MSRA: variants seen among roughly 807,000 people sequenced by gnomAD.
MSRA encodes mitochondrial peptide methionine sulfoxide reductase.
In MSRA, 54 loss-of-function variants were observed where a neutral mutation model predicts 31.3. The ratio of observed to expected loss-of-function variants is 1.73; its 90% CI spans 1.39 to 2.17. The LOEUF (loss-of-function observed/expected upper bound fraction) is 2.17, where lower values mean the gene tolerates loss of function less well. Among genes scored for constraint, MSRA ranks in the 30% most tolerant of loss-of-function variants. MSRA has a pLI of 0.00. For synonymous variants in MSRA, 169 were observed against 116.5 expected (o/e 1.45, Z -2.90); for missense variants, 507 against 300.9 (o/e 1.69, Z -5.07).
At chr8:10,251,652 C>T (rs1053802039) in intron 3 of MSRA, among the ~76,000 whole-genome samples, 2 of 152,112 alleles carry the variant, frequency 1.3e-5, no homozygotes, top group African/African-American at 2.4e-5. Flanking sequence ...ACCCTTAGGA[C>T]CAAAGATATC....
chr8:10,242,023 G>A (rs951770037), intron 2 of MSRA, among the ~76,000 whole-genome samples: 1 of 152,158 alleles, frequency 6.6e-6, no homozygotes, highest in African/African-American at 2.4e-5. Flanking sequence ...TGTAATCCCA[G>A]CACTTTGGGA....
chr8:10,242,693 A>G (rs755197315), intron 2 of MSRA, among the ~76,000 whole-genome samples: 3 of 152,210 alleles, frequency 2.0e-5, no homozygotes, highest in Non-Finnish European at 2.9e-5. Context: ...TAATTTTGCT[A>G]TAAATAAGCC....
intron 1 of MSRA, among the ~76,000 whole-genome samples, chr8:10,152,517 T>G (rs1441045325): frequency 2.6e-5 from 4 of 152,178 alleles, no homozygotes; most frequent in Non-Finnish European, 5.9e-5. Context: ...TCAGGATGGA[T>G]ATTTAGAAGC....
rs1421416870 is a variant in MSRA at position 10,387,628 on chromosome 8, C to G, written c.544-40520C>G. 2.0e-5 allele frequency among the ~76,000 whole-genome samples: 3 copies of G among 152,158 alleles called. No homozygotes were observed. The East Asian group carries it at 5.8e-4, about 29-fold the overall frequency. ...TGTGGGAAGGTGAGGGGTGCAAGTT[C>G]ACTGCAGACAAAGATTGTCTCATCA... On this transcript the variant is annotated intron_variant, in intron 5 of 5. Coordinates refer to ENST00000317173, the MANE Select transcript of MSRA (RefSeq NM_012331.5).
intron 1 of MSRA, among the ~76,000 whole-genome samples, chr8:10,170,865 C>G (rs1805531119): frequency 6.6e-6 from 1 of 152,240 alleles, no homozygotes; most frequent in Non-Finnish European, 1.5e-5. Flanking sequence ...ATGATCATGT[C>G]TTCTGCGAAT....
At chr8:10,343,442 A>T (rs186367547) in intron 5 of MSRA, among the ~76,000 whole-genome samples, 63 of 152,322 alleles carry the variant, frequency 4.1e-4, no homozygotes, top group African/African-American at 1.5e-3. Context: ...CTGCAGCATG[A>T]TGTATGGTGA....
chr8:10,185,942 C>T (rs145276050), intron 1 of MSRA, among the ~76,000 whole-genome samples: 1 of 152,198 alleles, frequency 6.6e-6, no homozygotes, highest in African/African-American at 2.4e-5. Flanking sequence ...GGTTATTGAC[C>T]TGTGCAAAGG....
intron 1 of MSRA, among the ~76,000 whole-genome samples, chr8:10,144,005 G>A (rs114350905): frequency 3.3e-5 from 5 of 152,124 alleles, no homozygotes; most frequent in African/African-American, 4.8e-5. Context: ...ACAGAGCCTC[G>A]TGAGGCTCGT....
intron 1 of MSRA, among the ~76,000 whole-genome samples, chr8:10,068,626 G>A (rs951471133): frequency 1.3e-5 from 2 of 152,058 alleles, no homozygotes; most frequent in Non-Finnish European, 2.9e-5. Flanking sequence ...TATTTATGTG[G>A]GTCTATTTCT....
intron 1 of MSRA, among the ~76,000 whole-genome samples, chr8:10,112,269 G>T (rs981362611): frequency 2.4e-4 from 36 of 152,128 alleles, no homozygotes; most frequent in Non-Finnish European, 4.0e-4. Flanking sequence ...TTAGAAAAGA[G>T]ACTGACCATC....
In MSRA at chr8:10,095,938, TC is replaced by T. The variant is rs1799130423; in HGVS notation, c.142+41281del. 3 of 1,348,906 alleles carry T rather than the reference TC, an allele frequency of 2.2e-6. No homozygotes were observed. In the African/African-American group the frequency reaches 4.4e-5, roughly 20 times the overall value. 83.6% of individuals were successfully genotyped at this position (1,348,906 alleles called of 1,614,324 possible). A position where few individuals can be genotyped will look rare whatever the true frequency, so the allele number is the denominator to read the frequency against. The stretch of plus-strand genomic sequence containing the variant: ...AATATAGAAGATGGCAAGGCAAATT[TC>T]TAATTAGAGGGAATATTAATTTTCT... On this transcript the variant is annotated intron_variant, in intron 1 of 5. Transcript: ENST00000317173.
intron 5 of MSRA, among the ~76,000 whole-genome samples, chr8:10,331,907 G>T (rs995632681): frequency 1.3e-4 from 19 of 151,970 alleles, no homozygotes; most frequent in Non-Finnish European, 2.4e-4. Flanking sequence ...TAATAATTTT[G>T]ATCTGTGGTT....
At chr8:10,055,482 G>T (rs1458311832) in intron 1 of MSRA, among the ~76,000 whole-genome samples, 1 of 152,230 alleles carries the variant, frequency 6.6e-6, no homozygotes, top group Non-Finnish European at 1.5e-5. Flanking sequence ...GCTTCTCAGA[G>T]TGCCCCCACC....
Position 10,054,643 on chromosome 8 carries a change from C to T in MSRA, c.127C>T (p.Gln43Ter). 6.4e-7 allele frequency: 1 copy of T among 1,571,288 alleles called. No individual in the cohort carries two copies. Among genetic ancestry groups the T allele is most frequent in the East Asian group, 2.6e-5 (1 of 38,998 alleles). Residue 43 changes from glutamine to a stop codon, truncating the protein, a stop_gained, in exon 1 of 6, where the codon CAG becomes TAG. Coordinates refer to ENST00000317173, the MANE Select transcript of MSRA (RefSeq NM_012331.5). LOFTEE classifies it high-confidence loss of function. ...PQEALPGRKE[Q>*]TPVAAKHHVN... is the part of the protein sequence containing the mutation. ...GGAGGCCTTGCCGGGCCGGAAGGAA[C>T]AGACCCCTGTAGCGGGTAAGCACTG... is the stretch of plus-strand genomic sequence containing the variant.
chr8:10,355,476 G>A (rs1416961885), intron 5 of MSRA, among the ~76,000 whole-genome samples: 2 of 152,186 alleles, frequency 1.3e-5, no homozygotes, highest in Admixed American at 1.3e-4. Context: ...GGAGATTTCT[G>A]AGACACGTGT....
At chr8:10,288,641 C>T (rs1250054796) in intron 3 of MSRA, among the ~76,000 whole-genome samples, 1 of 151,930 alleles carries the variant, frequency 6.6e-6, no homozygotes, top group Non-Finnish European at 1.5e-5. Context: ...CAGTGTGGGT[C>T]TGAGTTATAA....
At chr8:10,370,100 A>G (rs1332149158) in intron 5 of MSRA, among the ~76,000 whole-genome samples, 1 of 152,200 alleles carries the variant, frequency 6.6e-6, no homozygotes, top group Non-Finnish European at 1.5e-5. Context: ...AATAATAGCC[A>G]ACATTTGTCT....
chr8:10,107,908 C>G (rs1012867965), intron 1 of MSRA, among the ~76,000 whole-genome samples: 2 of 152,186 alleles, frequency 1.3e-5, no homozygotes, highest in Non-Finnish European at 2.9e-5. Context: ...CATCCCTAAT[C>G]TCCTTTAGTT....
intron 5 of MSRA, among the ~76,000 whole-genome samples, chr8:10,364,189 A>T (rs902577010): frequency 2.0e-5 from 3 of 152,192 alleles, no homozygotes; most frequent in Admixed American, 2.0e-4. Flanking sequence ...CCTGATTGCA[A>T]TATAGTAACT....
Sources: allele counts gnomAD v4.1 joint callset (sites outside exome capture counted in the v4.1 genomes callset), GRCh38; gene constraint gnomAD v4.1.1; transcripts MANE v1.5; gene names NCBI Gene and HGNC (gene_info 2026-07-23, HGNC 2026-07-21).